CPNE7: variants seen among roughly 807,000 people sequenced by gnomAD.
CPNE7 encodes copine 7.
CPNE7 carries 78 observed loss-of-function variants against 66.5 expected under a neutral mutation model. That is an observed-to-expected ratio of 1.17 (90% CI 0.98 to 1.42). The LOEUF is 1.42. Ranked by LOEUF, CPNE7 falls within the 40% of genes most tolerant of loss-of-function variation. The pLI, the probability that CPNE7 is intolerant of heterozygous loss-of-function variation, is 0.00. For missense variants in CPNE7, 1,012 were observed against 776.6 expected, an observed-to-expected ratio of 1.30 and a Z score of -3.60; for synonymous variants, 468 against 336.7, an observed-to-expected ratio of 1.39 and a Z score of -4.27.
chr16:89,585,610 G>A (rs897183213), intron 6 of CPNE7, 57 bp downstream of exon 6: 65 of 1,540,446 alleles, frequency 4.2e-5, no homozygotes, highest in Admixed American at 8.8e-5. Flanking sequence ...TGTGGGCTGC[G>A]ATGGAGACAC....
chr16:89,581,570 T>G (rs779696815), intron 2 of CPNE7, among the ~76,000 whole-genome samples: 7 of 152,220 alleles, frequency 4.6e-5, no homozygotes, highest in African/African-American at 7.2e-5. Context: ...GTCCTCCCCA[T>G]TTTTTAGATA....
Position 89,583,686 on chromosome 16 carries a change from C to G in CPNE7, c.358-11C>G, listed in dbSNP as rs1424041856. ...GCCTGCCCCTCCCTGCCTGACGCCTCTGACTTACAGATTGTGGCCCAGAAG... is the reference window on the plus strand; with the variant it reads ...GCCTGCCCCTCCCTGCCTGACGCCTGTGACTTACAGATTGTGGCCCAGAAG... On this transcript the variant is annotated splice_polypyrimidine_tract_variant and intron_variant, in intron 2 of 14. Transcript: ENST00000319518. 6 of 1,612,642 alleles carry G rather than the reference C, an allele frequency of 3.7e-6. No individual in the cohort carries two copies. The highest frequency in any genetic ancestry group is 5.1e-6 in the Non-Finnish European group (6 of 1,179,908).
intron 10 of CPNE7, among the ~76,000 whole-genome samples, chr16:89,589,337 G>A (rs971957475): frequency 5.3e-5 from 8 of 152,192 alleles, no homozygotes; most frequent in Non-Finnish European, 1.2e-4. Flanking sequence ...CCCTACTGGA[G>A]GCTGCCGCAT....
chr16:89,583,187 TG>T (rs2058981450), intron 2 of CPNE7, among the ~76,000 whole-genome samples: 1 of 152,144 alleles, frequency 6.6e-6, no homozygotes, highest in Non-Finnish European at 1.5e-5. Context: ...GAGTGGGCGG[TG>T]GGGTCCTGGG....
At position 89,586,744 on chromosome 16, in the gene CPNE7, G is replaced by C. The variant is rs750818827; in HGVS notation, c.855G>C (p.Leu285=). 1.1e-5 allele frequency: 18 copies of C among 1,612,808 alleles called. No individual in the cohort carries two copies. In the East Asian group the frequency reaches 3.4e-4, roughly 30 times the overall value. ...RSYKNSGVVV[L]ADLKFHRVYS... Reference sequence around the variant, plus strand: ...ATAAGAACTCAGGAGTGGTCGTCCTGGCTGACCTCAAGGTGAGAGGTGGCT... The same window carrying C: ...ATAAGAACTCAGGAGTGGTCGTCCTCGCTGACCTCAAGGTGAGAGGTGGCT... Residue 285 remains leucine, a synonymous_variant, in exon 8 of 15, where the codon CTG becomes CTC. Coordinates refer to ENST00000319518, the MANE Select transcript of CPNE7 (RefSeq NM_153636.3).
At chr16:89,581,244 C>T (rs994618765) in intron 2 of CPNE7, among the ~76,000 whole-genome samples, 4 of 150,772 alleles carry the variant, frequency 2.7e-5, no homozygotes, top group South Asian at 2.1e-4. Flanking sequence ...CCCACTCACA[C>T]GGAACATCCG....
intron 13 of CPNE7, among the ~76,000 whole-genome samples, chr16:89,591,464 C>G (rs996757152): frequency 2.8e-4 from 43 of 152,202 alleles, no homozygotes; most frequent in African/African-American, 9.9e-4. Context: ...GGCTGTCCAT[C>G]GCCTCACACG....
In CPNE7 at chr16:89,575,994, C is replaced by T. The variant is rs2058853772; in HGVS notation, c.97C>T (p.Leu33=). Residue 33 remains leucine, a synonymous_variant, in exon 1 of 15, where the codon CTG becomes TTG. Coordinates refer to ENST00000319518, the MANE Select transcript of CPNE7 (RefSeq NM_153636.3). ...GGAGCTGCGGCTCAGCTGCCGGCAC[C>T]TGCTGGACCGCGACCCGCTCACCAA... ...KVELRLSCRH[L]LDRDPLTKSD... is the part of the protein sequence containing the mutation. 4.3e-6 allele frequency: 6 copies of T among 1,379,794 alleles called. No individual in the cohort carries two copies. In the South Asian group the frequency reaches 7.9e-5, roughly 18 times the overall value. 85.5% of individuals were successfully genotyped at this position (1,379,794 alleles called of 1,614,324 possible).
At chr16:89,582,395 C>T (rs1296617080) in intron 2 of CPNE7, among the ~76,000 whole-genome samples, 1 of 152,212 alleles carries the variant, frequency 6.6e-6, no homozygotes, top group Non-Finnish European at 1.5e-5. Flanking sequence ...AGCCTGAGCC[C>T]GTTTCTCTCC....
chr16:89,593,648 G>A (rs560929743), intron 13 of CPNE7, among the ~76,000 whole-genome samples: 11 of 152,232 alleles, frequency 7.2e-5, no homozygotes, highest in Admixed American at 3.9e-4. Context: ...CACCGCGCCC[G>A]GCCTACCTCT....
At position 89,596,638 on chromosome 16, in the gene CPNE7, G is replaced by C. The variant is rs762167069; in HGVS notation, c.*17G>C. The stretch of plus-strand genomic sequence containing the variant: ...ACACCGTGAAGATGTGGAGGGCGTA[G>C]GGTGGGGGCAGTGAGGAATGGGTCC... On this transcript the variant is annotated 3_prime_UTR_variant, in exon 15 of 15. Coordinates refer to ENST00000319518, the MANE Select transcript of CPNE7 (RefSeq NM_153636.3). The C allele has an allele frequency of 1.3e-6, 2 of 1,582,484 alleles. No individual in the cohort carries two copies. Among genetic ancestry groups the C allele is most frequent in the African/African-American group, 1.3e-5 (1 of 74,078 alleles).
In CPNE7 at chr16:89,596,639, G is replaced by A. The variant is rs765900437; in HGVS notation, c.*18G>A. 6.3e-7 allele frequency: 1 copy of A among 1,580,266 alleles called. No homozygotes were observed. The highest frequency in any genetic ancestry group is 8.6e-7 in the Non-Finnish European group (1 of 1,169,546). On this transcript the variant is annotated 3_prime_UTR_variant, in exon 15 of 15. Transcript: ENST00000319518. ...CACCGTGAAGATGTGGAGGGCGTAGGGTGGGGGCAGTGAGGAATGGGTCCG... is the reference window on the plus strand; with the variant it reads ...CACCGTGAAGATGTGGAGGGCGTAGAGTGGGGGCAGTGAGGAATGGGTCCG...
rs76349612 is a variant in CPNE7 at position 89,579,901 on chromosome 16, A to G, written c.357+2180A>G. Among the ~76,000 whole-genome samples, 42 of 47,404 alleles carry G rather than the reference A, an allele frequency of 8.9e-4. 3 individuals carry two copies. Among genetic ancestry groups the G allele is most frequent in the Admixed American group, 1.8e-3 (7 of 3,946 alleles). The allele number at this position is 47,404 out of a possible 152,430, so 31.1% of individuals were successfully genotyped here. On this transcript the variant is annotated intron_variant, in intron 2 of 14. Coordinates refer to ENST00000319518, the MANE Select transcript of CPNE7 (RefSeq NM_153636.3). ...CCTGCTGACACGGAACATCTCACCC[A>G]TCACACGGAACATCCCGTCACCCGC...
In CPNE7 at chr16:89,583,897, G is replaced by GC. The variant is rs979585229; in HGVS notation, c.433-127dup. The GC allele has an allele frequency of 5.6e-6, 8 of 1,437,990 alleles. No individual in the cohort carries two copies. The Admixed American group carries it at 1.6e-4, about 28-fold the overall frequency. 89.1% of individuals were successfully genotyped at this position (1,437,990 alleles called of 1,614,324 possible). ...GTCTGCAGGAGCCGGCAGCTACACA[G>GC]CCCCGGGGGTACACAGACACCTCCT... On this transcript the variant is annotated intron_variant, in intron 3 of 14. Coordinates refer to ENST00000319518, the MANE Select transcript of CPNE7 (RefSeq NM_153636.3).
chr16:89,582,718 G>T (rs976667106), intron 2 of CPNE7, among the ~76,000 whole-genome samples: 3 of 152,250 alleles, frequency 2.0e-5, no homozygotes, highest in Non-Finnish European at 4.4e-5. Context: ...TGCTGGCCAG[G>T]CCGGCCCTGG....
chr16:89,586,968 G>A, intron 8 of CPNE7, 75 bp from the exon 9 acceptor site: 2 of 1,426,744 alleles, frequency 1.4e-6, no homozygotes, highest in African/African-American at 1.4e-5. Context: ...GCCTGCGGGA[G>A]GCAGGCCTGG....
In CPNE7 at chr16:89,577,697, G is replaced by C. The variant is rs1269404485; in HGVS notation, c.333G>C (p.Gly111=). The C allele has an allele frequency of 6.3e-7, 1 of 1,599,588 alleles. No individual in the cohort carries two copies. The highest frequency in any genetic ancestry group is 1.1e-5 in the South Asian group (1 of 88,324). ...GFSCQEDDFL[G]GMECTLGQIV... ...GCTGTCAGGAGGACGATTTCCTGGGGGGCATGGAGTGCACCCTGGGGCAGG... is the reference window on the plus strand; with the variant it reads ...GCTGTCAGGAGGACGATTTCCTGGGCGGCATGGAGTGCACCCTGGGGCAGG... Residue 111 remains glycine (G), a synonymous_variant, in exon 2 of 15, where the codon GGG becomes GGC. Transcript: ENST00000319518.
intron 10 of CPNE7, among the ~76,000 whole-genome samples, chr16:89,589,020 G>C (rs536981182): frequency 6.6e-6 from 1 of 152,212 alleles, no homozygotes; most frequent in South Asian, 2.1e-4. Flanking sequence ...GGCCGGGCGC[G>C]GTAGCTCATG....
At position 89,579,038 on chromosome 16, in the gene CPNE7, C is replaced by T. The variant is rs372770613; in HGVS notation, c.357+1317C>T. On this transcript the variant is annotated intron_variant, in intron 2 of 14. Transcript: ENST00000319518. ...GGGCACGGTGGCTCACGCCTGTAAT[C>T]GCAGCACTTTGGAAGTCCGAGGTGG... is the stretch of plus-strand genomic sequence containing the variant. 36 of 1,481,380 alleles carry T rather than the reference C, an allele frequency of 2.4e-5. No individual in the cohort carries two copies. In the African/African-American group the frequency reaches 3.1e-4, roughly 13 times the overall value. 91.8% of individuals were successfully genotyped at this position (1,481,380 alleles called of 1,614,324 possible). A position where few individuals can be genotyped will look rare whatever the true frequency, so the allele number is the denominator to read the frequency against.
Sources: allele counts gnomAD v4.1 joint callset (sites outside exome capture counted in the v4.1 genomes callset), GRCh38; gene constraint gnomAD v4.1.1; transcripts MANE v1.5; gene names NCBI Gene and HGNC (gene_info 2026-07-23, HGNC 2026-07-21).